Variants in ZNF333 observed in about 807,000 individuals in gnomAD.
ZNF333 encodes the protein zinc finger protein 333.
A neutral mutation model predicts 76.1 loss-of-function variants in ZNF333; 61 were observed. The observed-to-expected ratio is 0.80, with a 90% CI of 0.65 to 0.99. The LOEUF is 0.99. Among genes scored for constraint, ZNF333 ranks in the 50% least tolerant of loss-of-function variants. The pLI, the probability that ZNF333 is intolerant of heterozygous loss-of-function variation, is 0.00. For missense variants in ZNF333, 717 were observed against 822.4 expected, an observed-to-expected ratio of 0.87 and a Z score of 1.57; for synonymous variants, 284 against 305.0, an observed-to-expected ratio of 0.93 and a Z score of 0.72.
At chr19:14,700,627 GC>G (rs1304637642) in intron 5 of ZNF333, among the ~76,000 whole-genome samples, 1 of 152,040 alleles carries the variant, frequency 6.6e-6, no homozygotes, top group South Asian at 2.1e-4. Context: ...CCCCCCTTTG[GC>G]CCTGAATTTC....
At chr19:14,704,024 G>A (rs576356257) in intron 5 of ZNF333, among the ~76,000 whole-genome samples, 22 of 152,140 alleles carry the variant, frequency 1.4e-4, no homozygotes, top group Admixed American at 4.6e-4. Context: ...TCAAGGTGGC[G>A]GCAGGGCTGG....
At chr19:14,700,825 G>C (rs1013192066) in intron 5 of ZNF333, among the ~76,000 whole-genome samples, 2 of 152,220 alleles carry the variant, frequency 1.3e-5, no homozygotes, top group Non-Finnish European at 2.9e-5. Context: ...CCTGTGTCAT[G>C]GATGGGTGTC....
chr19:14,717,641 C>T lies in ZNF333; in HGVS notation c.824-16C>T. ...TTCTCTGTGTGCTTAACTTTTTCTT[C>T]CCTAATTCATTTCAGAACCTCAGTG... On this transcript the variant is annotated splice_polypyrimidine_tract_variant and intron_variant, in intron 10 of 11. Transcript: ENST00000292530. 1 of 1,611,344 alleles carries T rather than the reference C, an allele frequency of 6.2e-7. No individual in the cohort carries two copies. Among genetic ancestry groups the T allele is most frequent in the Non-Finnish European group, 8.5e-7 (1 of 1,177,748 alleles).
chr19:14,713,437 G>A (rs1184524021), intron 7 of ZNF333, among the ~76,000 whole-genome samples: 2 of 151,764 alleles, frequency 1.3e-5, no homozygotes, highest in East Asian at 1.9e-4. Context: ...ATGGTCTGGT[G>A]TTCAGATGTG....
downstream of ZNF333, among the ~76,000 whole-genome samples, chr19:14,724,558 G>A (rs1425740303): frequency 6.6e-6 from 1 of 152,156 alleles, no homozygotes; most frequent in Admixed American, 6.5e-5. Flanking sequence ...CTGAGGTCAG[G>A]GGCTCGAGAC....
At chr19:14,716,007 T>C in intron 8 of ZNF333, 105 bp from the exon 9 acceptor site, 1 of 1,550,178 alleles carries the variant, frequency 6.5e-7, no homozygotes, top group Non-Finnish European at 8.7e-7. Context: ...TGTCTGAAAG[T>C]CCTCTGCCTG....
intron 4 of ZNF333, among the ~76,000 whole-genome samples, chr19:14,698,152 C>T (rs1412392272): frequency 6.6e-6 from 1 of 151,264 alleles, no homozygotes; most frequent in Non-Finnish European, 1.5e-5. Flanking sequence ...TTGGGTGGAT[C>T]ACTTCAGGTC....
chr19:14,707,383 T>C (rs2042142212), intron 7 of ZNF333: 1 of 151,826 alleles, frequency 6.6e-6, no homozygotes, highest in South Asian at 2.1e-4. Flanking sequence ...CTTTGCAGCC[T>C]GGGTGACAGA....
At chr19:14,727,301 T>A (rs2042639707) in intron 11 of ZNF333, among the ~76,000 whole-genome samples, 1 of 152,188 alleles carries the variant, frequency 6.6e-6, no homozygotes, top group South Asian at 2.1e-4. Flanking sequence ...ATGCTGGGAT[T>A]ACAGGTGTGA....
chr19:14,711,541 A>T (rs905034861), intron 7 of ZNF333, among the ~76,000 whole-genome samples: 3 of 152,104 alleles, frequency 2.0e-5, no homozygotes, highest in African/African-American at 7.2e-5. Context: ...GGTTGTGTGC[A>T]CCTGTGGTCT....
At chr19:14,711,891 G>A (rs908287704) in intron 7 of ZNF333, among the ~76,000 whole-genome samples, 2 of 152,070 alleles carry the variant, frequency 1.3e-5, no homozygotes, top group African/African-American at 4.8e-5. Flanking sequence ...TAAGGGCTGC[G>A]AAGAAAGGGA....
intron 1 of ZNF333, among the ~76,000 whole-genome samples, chr19:14,691,085 T>TC (rs1423336631): frequency 6.6e-6 from 1 of 152,204 alleles, no homozygotes; most frequent in East Asian, 1.9e-4. Context: ...AGAGCAAGAC[T>TC]CCATCTCAAA....
chr19:14,699,202 G>C lies in ZNF333; in HGVS notation c.227G>C (p.Trp76Ser). 1 of 1,613,426 alleles carries C rather than the reference G, an allele frequency of 6.2e-7. No individual in the cohort carries two copies. Among genetic ancestry groups the C allele is most frequent in the South Asian group, 1.1e-5 (1 of 91,052 alleles). ...RGILRATGVA[W>S]ESQLKPEELP... Reference sequence around the variant, plus strand: ...TTTTTTCTCCCATTCATTTCAGCCTGGGAATCTCAACTTAAACCCGAAGAG... The same window carrying C: ...TTTTTTCTCCCATTCATTTCAGCCTCGGAATCTCAACTTAAACCCGAAGAG... Residue 76 changes from tryptophan to serine, a missense_variant, in exon 5 of 12, where the codon TGG (tryptophan) becomes TCG (serine). Physicochemically the swap from Trp to Ser is radical, Grantham distance 177. Coordinates refer to ENST00000292530, the MANE Select transcript of ZNF333 (RefSeq NM_032433.4).
At position 14,720,010 on chromosome 19, in the gene ZNF333, A is replaced by G; in HGVS notation, c.*685A>G. 1.2e-6 allele frequency: 1 copy of G among 828,988 alleles called. No homozygotes were observed. Among genetic ancestry groups the G allele is most frequent in the Non-Finnish European group, 1.5e-6 (1 of 687,344 alleles). 51.4% of individuals were successfully genotyped at this position (828,988 alleles called of 1,614,324 possible). A position where few individuals can be genotyped will look rare whatever the true frequency, so the allele number is the denominator to read the frequency against. On this transcript the variant is annotated 3_prime_UTR_variant, in exon 12 of 12. Transcript: ENST00000292530. ...AGATCAGCCTGGCCAACATGGTGAA[A>G]TCCCCTCTCTACTAAAAATATAAAA...
intron 6 of ZNF333, among the ~76,000 whole-genome samples, chr19:14,705,834 A>G (rs917343622): frequency 6.6e-6 from 1 of 152,168 alleles, no homozygotes; most frequent in African/African-American, 2.4e-5. Context: ...ATTGAGGTGG[A>G]ACAGTTTCAT....
chr19:14,727,229 C>T (rs559008989), intron 11 of ZNF333, among the ~76,000 whole-genome samples: 82 of 152,118 alleles, frequency 5.4e-4, no homozygotes, highest in Admixed American at 1.2e-3. Flanking sequence ...AGGGTTTCAC[C>T]GTGCTAGCCA....
intron 1 of ZNF333, among the ~76,000 whole-genome samples, chr19:14,692,213 G>A (rs1228088159): frequency 1.3e-5 from 2 of 152,214 alleles, no homozygotes; most frequent in Non-Finnish European, 2.9e-5. Context: ...TGAGAACGTG[G>A]AACAGGAGAA....
rs1413909122 is a variant in ZNF333 at position 14,705,035 on chromosome 19, C to T, written c.307-19C>T. On this transcript the variant is annotated intron_variant, in intron 5 of 11. Coordinates refer to ENST00000292530, the MANE Select transcript of ZNF333 (RefSeq NM_032433.4). ...GGTGCCAACTCTGTCCTGCTCAGCACCCTCTTGTCTTTTGCCAGGGGCCGG... is the reference window on the plus strand; with the variant it reads ...GGTGCCAACTCTGTCCTGCTCAGCATCCTCTTGTCTTTTGCCAGGGGCCGG... 2.5e-6 allele frequency: 4 copies of T among 1,611,368 alleles called. No individual in the cohort carries two copies. The African/African-American group carries it at 4.0e-5, about 16-fold the overall frequency.
exon 12 of ZNF333, chr19:14,732,977 A>G (rs1007166155): frequency 2.0e-5 from 3 of 152,088 alleles, no homozygotes; most frequent in African/African-American, 7.2e-5. Context: ...GGTAGACTCT[A>G]TGGGGATATG....
Sources: allele counts gnomAD v4.1 joint callset (sites outside exome capture counted in the v4.1 genomes callset), GRCh38; gene constraint gnomAD v4.1.1; transcripts MANE v1.5; gene names NCBI Gene and HGNC (gene_info 2026-07-23, HGNC 2026-07-21).